Variants in MYH10 observed in about 807,000 individuals in gnomAD.
The protein encoded by MYH10 is myosin heavy chain 10.
In MYH10, 55 loss-of-function variants were observed where a neutral mutation model predicts 257.8. The observed-to-expected ratio is 0.21, with a 90% CI of 0.17 to 0.27. MYH10 has a LOEUF of 0.27. Among genes scored for constraint, MYH10 ranks in the 10% least tolerant of loss-of-function variants. The pLI is 1.00. For missense variants in MYH10, 1,631 were observed against 2,500.6 expected (o/e 0.65, Z 7.42); for synonymous variants, 854 against 921.7 (o/e 0.93, Z 1.33).
intron 17 of MYH10, 122 bp from the exon 18 acceptor site, chr17:8,521,407 T>C (rs1366751263): frequency 4.0e-6 from 4 of 1,008,518 alleles, no homozygotes; most frequent in East Asian, 2.5e-5. Context: ...AGATGCCATA[T>C]AGGTAAGGCA....
At chr17:8,511,025 T>TATATATAAATAA (rs1852906912) in intron 24 of MYH10, 3 of 4,216 alleles carry the variant, frequency 7.1e-4, no homozygotes, top group African/African-American at 8.7e-4. Context: ...CATATATATA[T>TATATATAAATAA]ATATATATAT....
At chr17:8,520,411 G>A (rs754315084) in intron 19 of MYH10, among the ~76,000 whole-genome samples, 30 of 152,136 alleles carry the variant, frequency 2.0e-4, no homozygotes, top group African/African-American at 2.9e-4. Context: ...CAGGAGAATC[G>A]CTTGAACCTG....
intron 3 of MYH10, among the ~76,000 whole-genome samples, chr17:8,597,109 T>C (rs1055626607): frequency 2.0e-5 from 3 of 151,882 alleles, no homozygotes; most frequent in Admixed American, 1.3e-4. Context: ...ACTACCCTAG[T>C]CCCCAAAATG....
chr17:8,552,236 A>G lies in MYH10; in HGVS notation c.821-92T>C. 1.9e-6 allele frequency: 1 copy of G among 535,182 alleles called. No individual in the cohort carries two copies. Among genetic ancestry groups the G allele is most frequent in the Non-Finnish European group, 3.1e-6 (1 of 323,564 alleles). 33.2% of individuals were successfully genotyped at this position (535,182 alleles called of 1,614,324 possible). On this transcript the variant is annotated intron_variant, in intron 8 of 42. Coordinates refer to ENST00000360416, the MANE Select transcript of MYH10 (RefSeq NM_001256012.3). This position sits in a 1 kb window ranked among gnomAD's most constrained non-coding sequence, Gnocchi z 4.8. ...AGCGTCTGTAAATTTAAATCATAAA[A>G]CATCTTCTTTCTCTGATTATTATAT... is the stretch of plus-strand genomic sequence containing the variant.
chr17:8,576,630 G>C lies in MYH10; in HGVS notation c.663+13C>G. 1 of 1,550,020 alleles carries C rather than the reference G, an allele frequency of 6.5e-7. No homozygotes were observed. ...AACACTCAAGACTAAGAAGCATAAA[G>C]AAGAGCACTTGCCTGGTGTTTCACT... On this transcript the variant is annotated intron_variant, in intron 6 of 42. Coordinates refer to ENST00000360416, the MANE Select transcript of MYH10 (RefSeq NM_001256012.3).
At chr17:8,570,144 A>G (rs1008126753) in intron 6 of MYH10, among the ~76,000 whole-genome samples, 2 of 152,258 alleles carry the variant, frequency 1.3e-5, no homozygotes, top group Non-Finnish European at 2.9e-5. Flanking sequence ...GAAATTTAGC[A>G]CGACACTTCA....
intron 11 of MYH10, among the ~76,000 whole-genome samples, 160 bp downstream of exon 11, chr17:8,548,152 AG>A (rs1054668123): frequency 6.6e-6 from 1 of 152,206 alleles, no homozygotes; most frequent in African/African-American, 2.4e-5. Context: ...CCTCATTTAT[AG>A]AATCAGAGGA....
intron 31 of MYH10, 84 bp from the exon 32 acceptor site, chr17:8,493,969 CAA>C (rs1417527142): frequency 1.4e-6 from 2 of 1,447,014 alleles, no homozygotes; most frequent in Non-Finnish European, 1.9e-6. Context: ...TCATGTCGTA[CAA>C]AAGAGACAGC....
At chr17:8,613,656 A>T (rs1053448668) in intron 2 of MYH10, among the ~76,000 whole-genome samples, 1 of 152,356 alleles carries the variant, frequency 6.6e-6, no homozygotes, top group Non-Finnish European at 1.5e-5. Context: ...AGATTAAAAA[A>T]TAAACATAGA....
chr17:8,534,239 A>G (rs953176116), intron 16 of MYH10, among the ~76,000 whole-genome samples: 5 of 152,164 alleles, frequency 3.3e-5, no homozygotes, highest in African/African-American at 9.7e-5. Context: ...TCAGTTGAAG[A>G]CTTTCACCTA....
intron 7 of MYH10, among the ~76,000 whole-genome samples, chr17:8,557,106 C>G (rs372664592): frequency 6.6e-6 from 1 of 152,014 alleles, no homozygotes; most frequent in East Asian, 1.9e-4. Flanking sequence ...TAATATTTAC[C>G]TTATATTAAA....
At chr17:8,557,805 T>C (rs2151975415) in intron 7 of MYH10, among the ~76,000 whole-genome samples, 1 of 152,322 alleles carries the variant, frequency 6.6e-6, no homozygotes, top group South Asian at 2.1e-4. Flanking sequence ...AATATTACTC[T>C]GGACATGAGT....
At chr17:8,583,366 T>A (rs1053157758) in intron 4 of MYH10, among the ~76,000 whole-genome samples, 3 of 151,938 alleles carry the variant, frequency 2.0e-5, no homozygotes, top group African/African-American at 4.8e-5. Context: ...TAAAATAGAG[T>A]CATTAGAAAA....
intron 3 of MYH10, among the ~76,000 whole-genome samples, chr17:8,604,014 G>T (rs922269126): frequency 6.6e-6 from 1 of 152,126 alleles, no homozygotes; most frequent in Non-Finnish European, 1.5e-5. Flanking sequence ...TCACCAAAAA[G>T]AACTTGCCAT....
intron 1 of MYH10, among the ~76,000 whole-genome samples, 174 bp downstream of exon 1, chr17:8,630,480 G>A (rs111440307): frequency 0.05 from 7,554 of 152,098 alleles, 265 homozygotes; most frequent in Non-Finnish European, 0.078. Flanking sequence ...GGTCCCCGCA[G>A]CACAAACCCT....
chr17:8,579,400 C>T (rs938758229), intron 4 of MYH10, among the ~76,000 whole-genome samples: 14 of 152,118 alleles, frequency 9.2e-5, no homozygotes, highest in African/African-American at 2.9e-4. Context: ...CAAACTCAAC[C>T]GCAGGGAAGA....
At chr17:8,536,885 T>C (rs2082157315) in intron 14 of MYH10, among the ~76,000 whole-genome samples, 1 of 150,920 alleles carries the variant, frequency 6.6e-6, no homozygotes. Context: ...GAATGTGGAG[T>C]GACCACTAAT....
At position 8,495,181 on chromosome 17, in the gene MYH10, C is replaced by T; in HGVS notation, c.4012G>A (p.Ala1338Thr). Residue 1338 changes from alanine to threonine, a missense_variant, in exon 31 of 43, where the codon GCT becomes ACT. Physicochemically the swap from Ala to Thr is moderately conservative, Grantham distance 58. This residue lies in a region of MYH10 where 463 missense variants were observed against 621.8 expected (regional missense o/e 0.74). Coordinates refer to ENST00000360416, the MANE Select transcript of MYH10 (RefSeq NM_001256012.3). ...GACTCAAGACTAGCTGCATCCTTAG[C>T]AAATTTAATACCCTTCTTCTCTGCT... ...EEAEKKGIKF[A>T]KDAASLESQL... 1 of 1,613,670 alleles carries T rather than the reference C, an allele frequency of 6.2e-7. No homozygotes were observed. The highest frequency in any genetic ancestry group is 8.5e-7 in the Non-Finnish European group (1 of 1,179,624).
chr17:8,610,271 CAAAAAA>C lies in MYH10; in HGVS notation c.346-5295_346-5290del, dbSNP rs71361810. ...GTTTATAGGGAGCACCATAGGATTGCAAAAAAAAAAAAAAAAAAAAAGGGTTGGGGG... is the reference window on the plus strand; with the variant it reads ...GTTTATAGGGAGCACCATAGGATTGCAAAAAAAAAAAAAAAGGGTTGGGGG... On this transcript the variant is annotated intron_variant, in intron 2 of 42. Transcript: ENST00000360416. Among the ~76,000 whole-genome samples the C allele has an allele frequency of 2.0e-3, 91 of 45,986 alleles. 4 individuals carry two copies. Among genetic ancestry groups the C allele is most frequent in the African/African-American group, 8.5e-3 (84 of 9,870 alleles). The allele number at this position is 45,986 out of a possible 152,430, so 30.2% of individuals were successfully genotyped here.
Sources: gnomAD v4.1 joint callset for allele counts (sites outside exome capture counted in the v4.1 genomes callset) on GRCh38, gnomAD v4.1.1 for gene constraint, gnomAD v4.1.1 regional missense constraint, Gnocchi (gnomAD v3.1) non-coding constraint, MANE v1.5 for transcripts, NCBI Gene and HGNC (gene_info 2026-07-23, HGNC 2026-07-21) for gene names.